The following NSD2 variants were observed in gnomAD, a reference collection of about 807,000 sequenced individuals.
NSD2 encodes the protein nuclear receptor binding SET domain protein 2, also known as histone-lysine N-methyltransferase NSD2.
A neutral mutation model predicts 139.0 loss-of-function variants in NSD2; 12 were observed. That is an observed-to-expected ratio of 0.09 (90% CI 0.06 to 0.14). The LOEUF is 0.14. Ranked by LOEUF, NSD2 falls within the 10% of genes least tolerant of loss-of-function variation. The pLI is 1.00. For synonymous variants in NSD2, 669 were observed against 648.7 expected (o/e 1.03, Z -0.48); for missense variants, 1,155 against 1,745.0 (o/e 0.66, Z 6.02).
At position 1,980,550 on chromosome 4, in the gene NSD2, C is replaced by T. The variant is rs576679347; in HGVS notation, c.*1641C>T. On this transcript the variant is annotated 3_prime_UTR_variant, in exon 22 of 22. Transcript: ENST00000508803. ...TATGCCTTGGTAAAAACTGCAGTGT[C>T]TTTGGACCTGAGAGTGGCTACTCCG... is the stretch of plus-strand genomic sequence containing the variant. The T allele has an allele frequency of 1.3e-4, 31 of 233,224 alleles. No individual in the cohort carries two copies. The highest frequency in any genetic ancestry group is 2.2e-4 in the Non-Finnish European group (26 of 118,028). The allele number at this position is 233,224 out of a possible 1,614,324, so 14.4% of individuals were successfully genotyped here.
rs1056240742 is a variant in NSD2 at position 1,920,894 on chromosome 4, C to G, written c.1410+2271C>G. Among the ~76,000 whole-genome samples the G allele has an allele frequency of 3.3e-5, 5 of 151,782 alleles. No homozygotes were observed. In the East Asian group the frequency reaches 9.8e-4, roughly 30 times the overall value. On this transcript the variant is annotated intron_variant, in intron 5 of 21. Transcript: ENST00000508803. ...AAAAAAAAAATTTTTTTTAATTAGC[C>G]AGATGTGATGGCATGTGCCTGTAGT...
intron 9 of NSD2, chr4:1,940,695 C>T (rs1414167382): frequency 9.4e-7 from 1 of 1,061,256 alleles, no homozygotes; most frequent in Non-Finnish European, 1.1e-6. Context: ...GGTAGTGAGG[C>T]AAGGGTTGGA....
rs767961646 is a variant in NSD2 at position 1,916,917 on chromosome 4, C to T, written c.807C>T (p.Asp269=). 3.2e-5 allele frequency: 51 copies of T among 1,613,874 alleles called. No homozygotes were observed. Among genetic ancestry groups the T allele is most frequent in the Middle Eastern group, 1.6e-4 (1 of 6,084 alleles). Reference sequence around the variant, plus strand: ...AGTATCACGTACAGTTCTTTGGTGACGCCCCAGAAAGAGCTTGGATATTTG... The same window carrying T: ...AGTATCACGTACAGTTCTTTGGTGATGCCCCAGAAAGAGCTTGGATATTTG... ...ARQYHVQFFG[D]APERAWIFEK... The change falls in exon 4 of 22, where the codon GAC becomes GAT. Residue 269 remains aspartate (D), a synonymous_variant. Coordinates refer to ENST00000508803, the MANE Select transcript of NSD2 (RefSeq NM_001042424.3).
At position 1,972,409 on chromosome 4, in the gene NSD2, T is replaced by C. The variant is rs1022746264; in HGVS notation, c.3373-2454T>C. On this transcript the variant is annotated intron_variant, in intron 18 of 21. Transcript: ENST00000508803. The surrounding 1 kb of genome is among the most constrained non-coding windows in gnomAD (Gnocchi z 4.0). The stretch of plus-strand genomic sequence containing the variant: ...GTTTAAATATACCTGGACAGGCAAT[T>C]TCAAAGTCCATGTAGAAGGAAAGAT... Among the ~76,000 whole-genome samples, 2 of 152,202 alleles carry C rather than the reference T, an allele frequency of 1.3e-5. No individual in the cohort carries two copies. The highest frequency in any genetic ancestry group is 2.9e-5 in the Non-Finnish European group (2 of 68,048).
Position 1,918,330 on chromosome 4 carries a change from A to G in NSD2, c.1117A>G (p.Met373Val). Residue 373 changes from methionine to valine, a missense_variant, in exon 5 of 22, where the codon ATG becomes GTG. Coordinates refer to ENST00000508803, the MANE Select transcript of NSD2 (RefSeq NM_001042424.3). ...AGIAAESLGE[M>V]AESSGVSEEA... ...CATTGCTGCAGAGTCTTTGGGAGAA[A>G]TGGCAGAATCCTCAGGAGTCAGTGA... 1.2e-6 allele frequency: 2 copies of G among 1,614,064 alleles called. No individual in the cohort carries two copies. Among genetic ancestry groups the G allele is most frequent in the South Asian group, 2.2e-5 (2 of 91,080 alleles).
chr4:1,904,661 T>C (rs1717649528), intron 3 of NSD2, among the ~76,000 whole-genome samples: 2 of 152,244 alleles, frequency 1.3e-5, no homozygotes, highest in African/African-American at 4.8e-5. Flanking sequence ...CGATGATTGC[T>C]TGTTTCAGGA....
At position 1,901,257 on chromosome 4, in the gene NSD2, T is replaced by C. The variant is rs1417120331; in HGVS notation, c.597+6T>C. The C allele has an allele frequency of 6.4e-7, 1 of 1,552,330 alleles. No homozygotes were observed. Among genetic ancestry groups the C allele is most frequent in the African/African-American group, 1.4e-5 (1 of 72,714 alleles). On this transcript the variant is annotated splice_donor_region_variant and intron_variant, in intron 2 of 21. Coordinates refer to ENST00000508803, the MANE Select transcript of NSD2 (RefSeq NM_001042424.3). ...CAAGTCCTTCAGATAAAAAGGTATTTAGGAGACGTTGTGTAAGGGGTCATG... is the reference window on the plus strand; with the variant it reads ...CAAGTCCTTCAGATAAAAAGGTATTCAGGAGACGTTGTGTAAGGGGTCATG...
At chr4:1,953,817 T>C (rs1476980284) in intron 12 of NSD2, among the ~76,000 whole-genome samples, 2 of 151,700 alleles carry the variant, frequency 1.3e-5, no homozygotes, top group East Asian at 3.9e-4. Flanking sequence ...TTTATAGAGA[T>C]AGAGTCTTGC....
intron 1 of NSD2, among the ~76,000 whole-genome samples, chr4:1,891,580 C>T (rs1345600364): frequency 2.6e-5 from 4 of 152,114 alleles, no homozygotes; most frequent in African/African-American, 4.8e-5. Flanking sequence ...GAACCGGGCA[C>T]GGTGGCTCAT....
chr4:1,902,796 C>T (rs1717358683), intron 2 of NSD2, among the ~76,000 whole-genome samples: 1 of 152,146 alleles, frequency 6.6e-6, no homozygotes, highest in Non-Finnish European at 1.5e-5. Flanking sequence ...TTGAGTAACT[C>T]AACCTGAATT....
chr4:1,927,673 C>T (rs1000557551), intron 5 of NSD2, among the ~76,000 whole-genome samples: 3 of 126,746 alleles, frequency 2.4e-5, no homozygotes, highest in African/African-American at 9.2e-5. Context: ...GAGCTGAGAT[C>T]ACGTCACTGC....
intron 1 of NSD2, among the ~76,000 whole-genome samples, chr4:1,877,109 C>T (rs1714319219): frequency 1.3e-5 from 2 of 151,970 alleles, no homozygotes; most frequent in Admixed American, 1.3e-4. Context: ...TGCACTCCAG[C>T]CTGGGCGACA....
At chr4:1,882,412 C>T (rs1183168748) in intron 1 of NSD2, among the ~76,000 whole-genome samples, 2 of 152,164 alleles carry the variant, frequency 1.3e-5, no homozygotes, top group African/African-American at 2.4e-5. Context: ...TGCCTGTAAT[C>T]CCAGCACTTT....
chr4:1,932,375 G>T (rs1225000661), intron 6 of NSD2, among the ~76,000 whole-genome samples: 1 of 145,640 alleles, frequency 6.9e-6, no homozygotes. Flanking sequence ...GGAGGCAGAG[G>T]TTGCAGTGAG....
chr4:1,941,948 G>C, intron 9 of NSD2: 1 of 1,078,662 alleles, frequency 9.3e-7, no homozygotes, highest in Non-Finnish European at 1.1e-6. Context: ...GCCCGATTCT[G>C]ATATGAGTTA....
chr4:1,949,895 G>A (rs1188634496), intron 9 of NSD2, among the ~76,000 whole-genome samples: 1 of 152,200 alleles, frequency 6.6e-6, no homozygotes, highest in Admixed American at 6.5e-5. Flanking sequence ...TCACTGATAA[G>A]GTCACAGGAT....
intron 1 of NSD2, among the ~76,000 whole-genome samples, chr4:1,886,419 C>T (rs1715114646): frequency 6.6e-6 from 1 of 152,174 alleles, no homozygotes; most frequent in Non-Finnish European, 1.5e-5. Flanking sequence ...GTTGGCCAGG[C>T]TGGTCTTGAA....
intron 1 of NSD2, among the ~76,000 whole-genome samples, chr4:1,882,417 C>T (rs1465494382): frequency 2.0e-5 from 3 of 152,210 alleles, no homozygotes; most frequent in Non-Finnish European, 4.4e-5. Context: ...GTAATCCCAG[C>T]ACTTTGGGAG....
Position 1,916,996 on chromosome 4 carries a change from G to A in NSD2, c.886G>A (p.Glu296Lys). 2 of 1,614,062 alleles carry A rather than the reference G, an allele frequency of 1.2e-6. No individual in the cohort carries two copies. Among genetic ancestry groups the A allele is most frequent in the Non-Finnish European group, 1.7e-6 (2 of 1,179,970 alleles). The change falls in exon 4 of 22, where the codon GAA becomes AAA. Residue 296 changes from glutamate (E) to lysine (K), a missense_variant. Physicochemically the swap from Glu to Lys is moderately conservative, Grantham distance 56. Around this residue, in one of 8 missense-constraint regions of NSD2, gnomAD observed 420 missense variants for 469.0 expected, o/e 0.90. Transcript: ENST00000508803. ...GEGQFEKLCQ[E>K]SAKQAPTKAE... is the part of the protein sequence containing the mutation. ...AGGACAGTTTGAAAAATTATGCCAG[G>A]AAAGTGCCAAGCAGGCACCCACGAA...
Sources: gnomAD v4.1 joint callset for allele counts (sites outside exome capture counted in the v4.1 genomes callset) on GRCh38, gnomAD v4.1.1 for gene constraint, gnomAD v4.1.1 regional missense constraint, Gnocchi (gnomAD v3.1) non-coding constraint, MANE v1.5 for transcripts, NCBI Gene and HGNC (gene_info 2026-07-23, HGNC 2026-07-21) for gene names.